NRIP1: variants seen among roughly 807,000 people sequenced by gnomAD.
NRIP1 encodes the protein nuclear receptor interacting protein 1, also known as nuclear receptor-interacting protein 1.
Under a neutral mutation model 75.0 loss-of-function variants are expected in NRIP1, and 28 were observed. That is an observed-to-expected ratio of 0.37 (90% CI 0.28 to 0.51). NRIP1 has a LOEUF of 0.51. NRIP1 is among the 20% of genes least tolerant of loss of function. NRIP1 has a pLI of 0.92. For missense variants in NRIP1, 1,435 were observed against 1,343.7 expected (o/e 1.07, Z -1.06); for synonymous variants, 526 against 487.6 (o/e 1.08, Z -1.04).
intron 3 of NRIP1, among the ~76,000 whole-genome samples, chr21:14,969,119 T>C (rs894859225): frequency 6.6e-6 from 1 of 152,210 alleles, no homozygotes; most frequent in South Asian, 2.1e-4. Context: ...GAAGATTATT[T>C]TGTGAGTCTG....
intron 2 of NRIP1, among the ~76,000 whole-genome samples, chr21:15,029,012 A>G (rs1162919115): frequency 2.0e-5 from 3 of 151,750 alleles, no homozygotes; most frequent in African/African-American, 2.4e-5. Context: ...TTCCTCTCAC[A>G]CCCACATACA....
chr21:15,040,109 T>C (rs1233882385), intron 2 of NRIP1, among the ~76,000 whole-genome samples: 1 of 152,088 alleles, frequency 6.6e-6, no homozygotes, highest in Non-Finnish European at 1.5e-5. Flanking sequence ...ACTAGACACA[T>C]GTGGCTACTG....
intron 3 of NRIP1, among the ~76,000 whole-genome samples, chr21:14,996,391 T>C (rs2087725187): frequency 6.6e-6 from 1 of 152,210 alleles, no homozygotes; most frequent in African/African-American, 2.4e-5. Flanking sequence ...GGCGTCTGTG[T>C]GAGTGGTTCT....
chr21:14,966,003 T>C lies in NRIP1; in HGVS notation c.2190A>G (p.Lys730=). 6.2e-7 allele frequency: 1 copy of C among 1,611,872 alleles called. No homozygotes were observed. The highest frequency in any genetic ancestry group is 2.2e-5 in the East Asian group (1 of 44,870). The change falls in exon 4 of 4, where the codon AAA becomes AAG. Residue 730 remains lysine (K), a synonymous_variant. Coordinates refer to ENST00000318948, the MANE Select transcript of NRIP1 (RefSeq NM_003489.4). ...PNKGKSEKKE[K]TPLRDESTQE... The stretch of plus-strand genomic sequence containing the variant: ...GAGTACTTTCATCTCTTAAGGGAGT[T>C]TTCTCTTTTTTTTCACTCTTCCCTT...
intron 1 of NRIP1, among the ~76,000 whole-genome samples, chr21:15,063,564 G>A (rs1978523459): frequency 6.6e-6 from 1 of 152,058 alleles, no homozygotes. Flanking sequence ...ATTCCCCCAA[G>A]AAACAGAAAG....
At chr21:14,982,142 G>A (rs2087254360) in intron 3 of NRIP1, among the ~76,000 whole-genome samples, 1 of 152,100 alleles carries the variant, frequency 6.6e-6, no homozygotes, top group African/African-American at 2.4e-5. Flanking sequence ...GAGCCACGAT[G>A]CTCGGTCCTA....
intron 2 of NRIP1, among the ~76,000 whole-genome samples, chr21:15,023,556 A>G (rs1600884958): frequency 6.6e-6 from 1 of 152,218 alleles, no homozygotes; most frequent in Non-Finnish European, 1.5e-5. Flanking sequence ...ATTAACAACG[A>G]AACCTAAATA....
chr21:15,025,979 A>G (rs1013495837), intron 2 of NRIP1, among the ~76,000 whole-genome samples: 1 of 152,130 alleles, frequency 6.6e-6, no homozygotes, highest in African/African-American at 2.4e-5. Context: ...CAACCTGGAA[A>G]CTTGAATGAG....
chr21:15,042,418 G>A (rs1157077897), intron 2 of NRIP1, among the ~76,000 whole-genome samples: 1 of 152,182 alleles, frequency 6.6e-6, no homozygotes, highest in African/African-American at 2.4e-5. Flanking sequence ...GTTCACCACT[G>A]ACATTAGTCA....
intron 2 of NRIP1, among the ~76,000 whole-genome samples, chr21:15,024,567 A>AGTGTGTGT (rs60376904): frequency 0.037 from 5,385 of 145,620 alleles, 265 homozygotes; most frequent in African/African-American, 0.11. Context: ...TGGTATCCAG[A>AGTGTGTGT]GTGTGTGTGT....
At chr21:15,038,293 A>G (rs761723700) in intron 2 of NRIP1, among the ~76,000 whole-genome samples, 4 of 152,076 alleles carry the variant, frequency 2.6e-5, no homozygotes, top group Non-Finnish European at 5.9e-5. Context: ...ATTGTAGTTG[A>G]CCTAAAAATA....
At chr21:14,995,838 C>G (rs1050491319) in intron 3 of NRIP1, among the ~76,000 whole-genome samples, 2 of 152,082 alleles carry the variant, frequency 1.3e-5, no homozygotes, top group South Asian at 2.1e-4. Flanking sequence ...ATTTTCCACA[C>G]TACAGCCAAT....
chr21:14,995,603 T>A (rs981577749), intron 3 of NRIP1, among the ~76,000 whole-genome samples: 1 of 152,238 alleles, frequency 6.6e-6, no homozygotes, highest in Non-Finnish European at 1.5e-5. Context: ...GTAAGAATTT[T>A]AATATTTCAT....
At chr21:14,986,395 C>T (rs1215575482) in intron 3 of NRIP1, among the ~76,000 whole-genome samples, 7 of 152,140 alleles carry the variant, frequency 4.6e-5, no homozygotes, top group East Asian at 3.8e-4. Flanking sequence ...GTCATTGCCA[C>T]GGCTTTCAAC....
In NRIP1 at chr21:14,966,175, A is replaced by C. The variant is rs1425450873; in HGVS notation, c.2018T>G (p.Leu673Trp). ...AACTGCATTTGTTTTATTTGAGAGC[A>C]AAGGGCTATTTAATCTATCAATCAT... ...IGMIDRLNSP[L>W]LSNKTNAVEE... is the part of the protein sequence containing the mutation. The change falls in exon 4 of 4, where the codon TTG becomes TGG. Residue 673 changes from leucine (L) to tryptophan (W), a missense_variant. By Grantham distance (61) the Leu-to-Trp change is moderately conservative. Coordinates refer to ENST00000318948, the MANE Select transcript of NRIP1 (RefSeq NM_003489.4). The C allele has an allele frequency of 2.5e-6, 4 of 1,613,682 alleles. No homozygotes were observed. The East Asian group carries it at 6.7e-5, about 27-fold the overall frequency.
chr21:15,057,154 T>C (rs1017913704), intron 1 of NRIP1, among the ~76,000 whole-genome samples: 1 of 148,638 alleles, frequency 6.7e-6, no homozygotes, highest in African/African-American at 2.6e-5. Flanking sequence ...TTGTTGTGAG[T>C]GAAGATAGGG....
At chr21:14,999,019 G>A (rs1009927581) in intron 3 of NRIP1, among the ~76,000 whole-genome samples, 10 of 152,172 alleles carry the variant, frequency 6.6e-5, no homozygotes, top group African/African-American at 2.4e-4. Flanking sequence ...GAAAGAGAGA[G>A]AGAGAGGCAG....
At chr21:15,039,908 C>T (rs1008844567) in intron 2 of NRIP1, among the ~76,000 whole-genome samples, 1 of 152,046 alleles carries the variant, frequency 6.6e-6, no homozygotes, top group African/African-American at 2.4e-5. Context: ...AAAGAAAATG[C>T]TACTTATTCC....
At chr21:15,059,855 T>A (rs1192773957) in intron 1 of NRIP1, among the ~76,000 whole-genome samples, 3 of 152,152 alleles carry the variant, frequency 2.0e-5, no homozygotes, top group South Asian at 2.1e-4. Flanking sequence ...ATTATACTAC[T>A]TTTAGAGTTC....
Sources: gnomAD v4.1 joint callset for allele counts (sites outside exome capture counted in the v4.1 genomes callset) on GRCh38, gnomAD v4.1.1 for gene constraint, MANE v1.5 for transcripts, NCBI Gene and HGNC (gene_info 2026-07-23, HGNC 2026-07-21) for gene names.